ABCC11: variants seen among roughly 807,000 people sequenced by gnomAD.
ABCC11 encodes ATP binding cassette subfamily C member 11.
ABCC11 carries 135 observed loss-of-function variants against 149.3 expected under a neutral mutation model. The ratio of observed to expected loss-of-function variants is 0.90; its 90% CI spans 0.79 to 1.04. The LOEUF (loss-of-function observed/expected upper bound fraction) is 1.04. ABCC11 is among the 50% of genes least tolerant of loss of function. The pLI, the probability that ABCC11 is intolerant of heterozygous loss-of-function variation, is 0.00. For missense variants in ABCC11, 1,680 were observed against 1,722.1 expected (o/e 0.98, Z 0.43); for synonymous variants, 665 against 671.4 (o/e 0.99, Z 0.15).
intron 5 of ABCC11, among the ~76,000 whole-genome samples, chr16:48,223,237 GC>G (rs1969864081): frequency 2.0e-5 from 3 of 152,250 alleles, no homozygotes; most frequent in Non-Finnish European, 4.4e-5. Context: ...AGGTTCTGTG[GC>G]CCAAAAGGGG....
intron 1 of ABCC11, among the ~76,000 whole-genome samples, chr16:48,240,906 C>G (rs1291689609): frequency 6.6e-6 from 1 of 151,834 alleles, no homozygotes; most frequent in African/African-American, 2.4e-5. Context: ...GACATTTCAC[C>G]ATCATATATC....
At position 48,175,322 on chromosome 16, in the gene ABCC11, C is replaced by T. The variant is rs1242716213; in HGVS notation, c.3634G>A (p.Glu1212Lys). Residue 1212 changes from glutamate to lysine, a missense_variant, in exon 26 of 30, where the codon GAG becomes AAG. By Grantham distance (56) the Glu-to-Lys change is moderately conservative. Transcript: ENST00000356608. Reference sequence around the variant, plus strand: ...ACTGAGAGCTTGGACCGCAAGTCCTCCAGGCCGATGCTGCAAATGTCCACG... The same window carrying T: ...ACTGAGAGCTTGGACCGCAAGTCCTTCAGGCCGATGCTGCAAATGTCCACG... ...DGVDICSIGLEDLRSKLSVIP... is the reference protein window; with the variant it reads ...DGVDICSIGLKDLRSKLSVIP... The T allele has an allele frequency of 6.2e-7, 1 of 1,614,128 alleles. No homozygotes were observed. The highest frequency in any genetic ancestry group is 2.2e-5 in the East Asian group (1 of 44,876).
intron 9 of ABCC11, among the ~76,000 whole-genome samples, chr16:48,214,213 G>C (rs968311920): frequency 4.0e-5 from 6 of 151,858 alleles, no homozygotes; most frequent in African/African-American, 1.5e-4. Context: ...ATCTCAGTGT[G>C]AGCCTCAAGT....
chr16:48,208,458 A>G lies in ABCC11; in HGVS notation c.1647T>C (p.Gly549=), dbSNP rs144731393. Residue 549 remains glycine, a synonymous_variant, in exon 12 of 30, where the codon GGT becomes GGC. Transcript: ENST00000356608. Reference sequence around the variant, plus strand: ...GGATGGCTGACAACAGGCTGCTCTTACCACTCCCCGTGTTGCCGCAGACCC... The same window carrying G: ...GGATGGCTGACAACAGGCTGCTCTTGCCACTCCCCGTGTTGCCGCAGACCC... The part of the protein sequence containing the change: ...MLGVCGNTGS[G]KSSLLSAILE... 6.2e-7 allele frequency: 1 copy of G among 1,614,106 alleles called. No homozygotes were observed. Among genetic ancestry groups the G allele is most frequent in the East Asian group, 2.2e-5 (1 of 44,862 alleles).
chr16:48,208,570 A>G, intron 11 of ABCC11, 74 bp from the exon 12 acceptor site: 20 of 1,510,786 alleles, frequency 1.3e-5, no homozygotes, highest in Non-Finnish European at 1.6e-5. Context: ...TGGCGGCTCA[A>G]CTGTTTAGAA....
intron 28 of ABCC11, among the ~76,000 whole-genome samples, chr16:48,169,662 A>G (rs1391030281): frequency 6.6e-6 from 1 of 151,298 alleles, no homozygotes; most frequent in Non-Finnish European, 1.5e-5. Context: ...AAACTATTGC[A>G]AGGACAAAAA....
intron 1 of ABCC11, chr16:48,244,595 C>A: frequency 1.3e-6 from 2 of 1,485,154 alleles, no homozygotes; most frequent in Admixed American, 2.3e-5. Flanking sequence ...CCGCCAGCGA[C>A]GCGCAGGACC....
chr16:48,216,565 G>A (rs562051711), intron 6 of ABCC11, among the ~76,000 whole-genome samples: 2 of 152,292 alleles, frequency 1.3e-5, no homozygotes, highest in East Asian at 3.9e-4. Flanking sequence ...CATAGAAAGT[G>A]TCTGCACACA....
intron 1 of ABCC11, chr16:48,244,131 A>T: frequency 2.4e-6 from 1 of 413,012 alleles, no homozygotes; most frequent in East Asian, 3.8e-5. Context: ...CCTTCCAAAT[A>T]TACTCTGTAA....
chr16:48,203,827 G>C (rs1476573679), intron 13 of ABCC11, among the ~76,000 whole-genome samples: 1 of 152,150 alleles, frequency 6.6e-6, no homozygotes, highest in Non-Finnish European at 1.5e-5. Flanking sequence ...CCAAGATCAC[G>C]CCATTGTACT....
In ABCC11 at chr16:48,212,260, C is replaced by T. The variant is rs74857749; in HGVS notation, c.1357-1061G>A. Among the ~76,000 whole-genome samples, 1,105 of 152,266 alleles carry T rather than the reference C, an allele frequency of 7.3e-3. 17 individuals carry two copies. The highest frequency in any genetic ancestry group is 0.025 in the African/African-American group (1,058 of 41,548). On this transcript the variant is annotated intron_variant, in intron 10 of 29. Transcript: ENST00000356608. ...GGTCATCATCACTCAAAGTCATCTT[C>T]GCAGGGGCCTTCCCTAACCAGGCTC...
At chr16:48,197,905 C>T (rs1967583677) in intron 17 of ABCC11, 66 bp downstream of exon 17, 1 of 1,536,492 alleles carries the variant, frequency 6.5e-7, no homozygotes, top group Non-Finnish European at 9.0e-7. Context: ...AAGGAGGAAA[C>T]ACTGGGACCT....
chr16:48,208,692 C>T (rs1423740462), intron 11 of ABCC11, among the ~76,000 whole-genome samples, 196 bp from the exon 12 acceptor site: 1 of 152,034 alleles, frequency 6.6e-6, no homozygotes, highest in African/African-American at 2.4e-5. Flanking sequence ...TGGGGTGACC[C>T]GAGAGGAAGG....
chr16:48,240,798 A>G (rs1290388313), intron 1 of ABCC11, among the ~76,000 whole-genome samples: 2 of 152,158 alleles, frequency 1.3e-5, no homozygotes, highest in Non-Finnish European at 2.9e-5. Flanking sequence ...CTTACATAAT[A>G]CTTACTAATT....
Position 48,214,974 on chromosome 16 carries a change from C to A in ABCC11, c.1155G>T (p.Leu385=). ...GGATGATGAACAAGGTTATACTTGTCAGGCTCTGGACAAGCCCGCACTTCT... is the reference window on the plus strand; with the variant it reads ...GGATGATGAACAAGGTTATACTTGTAAGGCTCTGGACAAGCCCGCACTTCT... ...LLEKCGLVQS[L]TSITLFIIPT... Residue 385 remains leucine, a synonymous_variant, in exon 9 of 30, where the codon CTG becomes CTT. Transcript: ENST00000356608. 1.2e-6 allele frequency: 2 copies of A among 1,614,208 alleles called. No individual in the cohort carries two copies. Among genetic ancestry groups the A allele is most frequent in the South Asian group, 2.2e-5 (2 of 91,088 alleles).
At chr16:48,171,568 A>T (rs1965724338) in intron 26 of ABCC11, among the ~76,000 whole-genome samples, 1 of 152,266 alleles carries the variant, frequency 6.6e-6, no homozygotes. Flanking sequence ...GATAGAAAGT[A>T]CATAATATTT....
intron 18 of ABCC11, among the ~76,000 whole-genome samples, chr16:48,195,984 A>AT (rs897931886): frequency 3.9e-5 from 6 of 152,172 alleles, no homozygotes; most frequent in Non-Finnish European, 8.8e-5. Context: ...ATTTTTTTTA[A>AT]TTTTTTTTAA....
chr16:48,169,674 C>A (rs1004236871), intron 28 of ABCC11, among the ~76,000 whole-genome samples: 3 of 149,498 alleles, frequency 2.0e-5, no homozygotes, highest in African/African-American at 7.4e-5. Flanking sequence ...GGACAAAAAA[C>A]CAAACACTGC....
At chr16:48,234,267 C>T (rs1245668180) in intron 1 of ABCC11, among the ~76,000 whole-genome samples, 1 of 152,078 alleles carries the variant, frequency 6.6e-6, no homozygotes, top group Non-Finnish European at 1.5e-5. Context: ...TAAGTAACCT[C>T]AGAAGTATAA....
Sources: allele counts gnomAD v4.1 joint callset (sites outside exome capture counted in the v4.1 genomes callset), GRCh38; gene constraint gnomAD v4.1.1; transcripts MANE v1.5; gene names NCBI Gene and HGNC (gene_info 2026-07-23, HGNC 2026-07-21).